TANC2: variants seen among roughly 807,000 people sequenced by gnomAD.
The protein encoded by TANC2 is protein TANC2.
In TANC2, 26 loss-of-function variants were observed where a neutral mutation model predicts 210.5. The observed-to-expected ratio is 0.12, with a 90% confidence interval of 0.09 to 0.17. TANC2 has a LOEUF of 0.17. Among genes scored for constraint, TANC2 ranks in the 10% least tolerant of loss-of-function variants. The pLI is 1.00. For missense variants in TANC2, 2,129 were observed against 2,608.9 expected (o/e 0.82, Z 4.01); for synonymous variants, 931 against 967.1 (o/e 0.96, Z 0.69).
chr17:63,122,494 T>G (rs2038523557), intron 4 of TANC2, among the ~76,000 whole-genome samples: 1 of 152,188 alleles, frequency 6.6e-6, no homozygotes, highest in African/African-American at 2.4e-5. Context: ...CCCAGCACTT[T>G]GGGAAGCCAA....
chr17:63,004,724 G>A (rs895112887), intron 1 of TANC2: 8 of 323,446 alleles, frequency 2.5e-5, no homozygotes, highest in African/African-American at 1.3e-4. Flanking sequence ...TGGTATCTCC[G>A]GCAGCTTCAG....
intron 7 of TANC2, among the ~76,000 whole-genome samples, chr17:63,232,050 T>C (rs565413541): frequency 6.6e-6 from 1 of 152,334 alleles, no homozygotes; most frequent in Admixed American, 6.5e-5. Flanking sequence ...GTCTACTTGG[T>C]TGTTGATACT....
rs1484833840 is a variant in TANC2, at chr17:62,966,236, G to A, written c.-537G>A. Reference sequence around the variant, plus strand: ...AGGGTGCGACGCCCCCAGCGCGGCGGCGGCGCTAGCGAGCGGCCGGCGGGG... The same window carrying A: ...AGGGTGCGACGCCCCCAGCGCGGCGACGGCGCTAGCGAGCGGCCGGCGGGG... On this transcript the variant is annotated 5_prime_UTR_variant, in exon 1 of 28. Coordinates refer to ENST00000689528, the Ensembl canonical transcript of TANC2. The surrounding 1 kb of genome is among the most constrained non-coding windows in gnomAD (Gnocchi z 5.1). Among the ~76,000 whole-genome samples the A allele has an allele frequency of 1.4e-5, 2 of 146,452 alleles. No homozygotes were observed. The highest frequency in any genetic ancestry group is 4.9e-5 in the African/African-American group (2 of 40,794).
intron 5 of TANC2, among the ~76,000 whole-genome samples, chr17:63,192,251 G>A (rs1247056645): frequency 6.6e-6 from 1 of 152,188 alleles, no homozygotes; most frequent in Non-Finnish European, 1.5e-5. Flanking sequence ...ATTTAGCAAG[G>A]TTTAAAAAAT....
intron 7 of TANC2, among the ~76,000 whole-genome samples, chr17:63,210,957 C>T (rs1433783604): frequency 6.6e-6 from 1 of 152,122 alleles, no homozygotes; most frequent in African/African-American, 2.4e-5. Flanking sequence ...CCTACCTACC[C>T]AGGAACCTAA....
chr17:63,319,577 CT>C (rs2045429642), intron 11 of TANC2, among the ~76,000 whole-genome samples: 1 of 152,174 alleles, frequency 6.6e-6, no homozygotes, highest in South Asian at 2.1e-4. Context: ...TCTCAAACCC[CT>C]TATCTCAGGT....
chr17:63,062,819 T>C (rs2036043319), intron 2 of TANC2, among the ~76,000 whole-genome samples: 1 of 152,228 alleles, frequency 6.6e-6, no homozygotes, highest in Admixed American at 6.5e-5. Context: ...TACAGAGCAC[T>C]TCTGTGACCA....
intron 1 of TANC2, among the ~76,000 whole-genome samples, chr17:62,974,350 T>C (rs1346488517): frequency 6.6e-6 from 1 of 152,224 alleles, no homozygotes; most frequent in Non-Finnish European, 1.5e-5. Context: ...TGTAGTAGAA[T>C]GTTTTTCTTC....
At chr17:63,062,928 G>A (rs2036047838) in intron 2 of TANC2, among the ~76,000 whole-genome samples, 1 of 152,104 alleles carries the variant, frequency 6.6e-6, no homozygotes, top group African/African-American at 2.4e-5. Flanking sequence ...GCTACTTAGA[G>A]TTTAGAGTCA....
chr17:63,136,664 G>A (rs1275928031), intron 4 of TANC2, among the ~76,000 whole-genome samples: 1 of 152,044 alleles, frequency 6.6e-6, no homozygotes. Flanking sequence ...ACAATGAGAG[G>A]CTTCTTCCTA....
chr17:63,320,642 T>C lies in TANC2; in HGVS notation c.1575+1552T>C, dbSNP rs578111030. Reference sequence around the variant, plus strand: ...TCTCAATTTTGAAGGCATTGCTCCATTGTCTTGAGCTTCCAATATTGCTAC... The same window carrying C: ...TCTCAATTTTGAAGGCATTGCTCCACTGTCTTGAGCTTCCAATATTGCTAC... On this transcript the variant is annotated intron_variant, in intron 11 of 27. Transcript: ENST00000689528. Among the ~76,000 whole-genome samples, 4 of 152,356 alleles carry C rather than the reference T, an allele frequency of 2.6e-5. No homozygotes were observed. In the South Asian group the frequency reaches 8.3e-4, roughly 32 times the overall value.
intron 7 of TANC2, among the ~76,000 whole-genome samples, chr17:63,208,653 A>G (rs114102332): frequency 2.6e-5 from 4 of 152,292 alleles, no homozygotes; most frequent in African/African-American, 9.6e-5. Context: ...CCAGGAATAT[A>G]TTTTTTATCT....
chr17:63,159,653 A>G (rs2039956208), intron 5 of TANC2, among the ~76,000 whole-genome samples: 1 of 149,774 alleles, frequency 6.7e-6, no homozygotes, highest in Non-Finnish European at 1.5e-5. Context: ...TTTACATAGC[A>G]TTTACATTGC....
intron 10 of TANC2, among the ~76,000 whole-genome samples, chr17:63,315,618 AAATCAAT>A (rs1279860642): frequency 2.7e-4 from 41 of 152,258 alleles, no homozygotes; most frequent in Non-Finnish European, 5.4e-4. Context: ...TTGTTAGTCC[AAATCAAT>A]AATCTAGCCC....
chr17:63,182,057 G>A (rs1200427549), intron 5 of TANC2: 2 of 152,164 alleles, frequency 1.3e-5, no homozygotes, highest in East Asian at 3.9e-4. Flanking sequence ...GAAAGCGTGG[G>A]GTGCCATCAC....
At chr17:63,292,330 CTGGAAGAAA>C (rs1281265496) in intron 9 of TANC2, among the ~76,000 whole-genome samples, 1 of 152,086 alleles carries the variant, frequency 6.6e-6, no homozygotes. Context: ...AAGAAAAGAA[CTGGAAGAAA>C]GTGTCGTCAC....
chr17:63,275,316 T>A (rs547706551), intron 9 of TANC2, among the ~76,000 whole-genome samples: 1 of 152,204 alleles, frequency 6.6e-6, no homozygotes, highest in Non-Finnish European at 1.5e-5. Flanking sequence ...TTAGCTACTT[T>A]AATAGACACT....
At chr17:63,173,830 G>A (rs1175483068) in intron 5 of TANC2, among the ~76,000 whole-genome samples, 2 of 151,998 alleles carry the variant, frequency 1.3e-5, no homozygotes, top group African/African-American at 4.8e-5. Context: ...ATAATAATCA[G>A]ACTTATTCAT....
intron 11 of TANC2, among the ~76,000 whole-genome samples, chr17:63,329,304 G>A (rs981858845): frequency 2.6e-5 from 4 of 151,506 alleles, no homozygotes; most frequent in Admixed American, 6.6e-5. Context: ...ACCAAAACAT[G>A]ATGAAAAAAT....
Sources: allele counts gnomAD v4.1 joint callset (sites outside exome capture counted in the v4.1 genomes callset), GRCh38; gene constraint gnomAD v4.1.1; non-coding constraint Gnocchi (gnomAD v3.1); transcripts MANE v1.5; gene names NCBI Gene and HGNC (gene_info 2026-07-23, HGNC 2026-07-21).